MFN2: variants seen among roughly 807,000 people sequenced by gnomAD.
MFN2 encodes the protein mitofusin-2.
A neutral mutation model predicts 87.5 loss-of-function variants in MFN2; 43 were observed. That is an observed-to-expected ratio of 0.49 (90% confidence interval 0.38 to 0.63). MFN2 has a LOEUF of 0.63. MFN2 is among the 30% of genes least tolerant of loss of function. The pLI is 0.00. For synonymous variants in MFN2, 337 were observed against 359.9 expected, an observed-to-expected ratio of 0.94 and a Z score of 0.72; for missense variants, 743 against 972.8, an observed-to-expected ratio of 0.76 and a Z score of 3.14.
chr1:12,006,267 A>G lies in MFN2; in HGVS notation c.1717-271A>G, dbSNP rs11579994. Among the ~76,000 whole-genome samples the G allele has an allele frequency of 0.047, 7,087 of 152,202 alleles. 235 individuals carry two copies. The highest frequency in any genetic ancestry group is 0.12 in the East Asian group (611 of 5,106). On this transcript the variant is annotated intron_variant, in intron 15 of 18. Transcript: ENST00000235329. The stretch of plus-strand genomic sequence containing the variant: ...AAAACATTCATCTCTAAACCACTTG[A>G]GTTGTCACATGTACTGCCCTCTGTA...
rs1225507454 is a variant in MFN2, at chr1:12,012,311, G to T, written c.*746G>T. On this transcript the variant is annotated 3_prime_UTR_variant, in exon 19 of 19. Transcript: ENST00000235329. The stretch of plus-strand genomic sequence containing the variant: ...GACTTGCCTCTCTTCTCATTATTGT[G>T]TCCTTTGCTTTAGTGTCAGTCCTGG... 6.5e-5 allele frequency: 10 copies of T among 154,032 alleles called. No homozygotes were observed. The highest frequency in any genetic ancestry group is 1.4e-5 in the Non-Finnish European group (1 of 69,262). 9.5% of individuals were successfully genotyped at this position (154,032 alleles called of 1,614,324 possible).
intron 15 of MFN2, among the ~76,000 whole-genome samples, chr1:12,006,290 G>A: frequency 6.6e-6 from 1 of 152,172 alleles, no homozygotes; most frequent in East Asian, 1.9e-4. Flanking sequence ...ACTGCCCTCT[G>A]TACACATCCC....
intron 17 of MFN2, among the ~76,000 whole-genome samples, chr1:12,008,081 C>G (rs368446289): frequency 0.011 from 1,630 of 152,296 alleles, 25 homozygotes; most frequent in African/African-American, 0.038. Context: ...GGTCATAGAT[C>G]AACAGCATCC....
In MFN2 at chr1:11,998,547, C is replaced by CCAAAAA. The variant is rs542448091; in HGVS notation, c.600-217_600-212dup. 5.3e-4 allele frequency among the ~76,000 whole-genome samples: 51 copies of CCAAAAA among 96,006 alleles called. 1 individual carries two copies. Among genetic ancestry groups the CCAAAAA allele is most frequent in the African/African-American group, 1.9e-3 (50 of 26,064 alleles). 63.0% of individuals were successfully genotyped at this position (96,006 alleles called of 152,430 possible). A position where few individuals can be genotyped will look rare whatever the true frequency, so the allele number is the denominator to read the frequency against. The stretch of plus-strand genomic sequence containing the variant: ...CGGGCGACAGAGCAAGACTCTATAT[C>CCAAAAA]CAAAAACAAAACAAAACAAAACAAA... On this transcript the variant is annotated intron_variant, in intron 6 of 18. Transcript: ENST00000235329.
In MFN2 at chr1:12,006,605, C is replaced by T; in HGVS notation, c.1784C>T (p.Thr595Ile). 6.2e-7 allele frequency: 1 copy of T among 1,614,224 alleles called. No homozygotes were observed. Among genetic ancestry groups the T allele is most frequent in the Non-Finnish European group, 8.5e-7 (1 of 1,180,038 alleles). The part of the protein sequence containing the change: ...SMPPLPQGSL[T>I]QEEFMVSMVT... Reference sequence around the variant, plus strand: ...CCCCCACTGCCACAGGGCTCGCTCACCCAGGAGGAGTTCATGGTTTCCATG... The same window carrying T: ...CCCCCACTGCCACAGGGCTCGCTCATCCAGGAGGAGTTCATGGTTTCCATG... Residue 595 changes from threonine to isoleucine, a missense_variant, in exon 16 of 19, where the codon ACC (threonine) becomes ATC (isoleucine). By Grantham distance (89) the Thr-to-Ile change is moderately conservative. Transcript: ENST00000235329.
In MFN2 at chr1:12,011,479, G is replaced by GA. The variant is rs1249294259; in HGVS notation, c.2205-15dup. 1 of 1,613,928 alleles carries GA rather than the reference G, an allele frequency of 6.2e-7. No individual in the cohort carries two copies. The highest frequency in any genetic ancestry group is 1.3e-5 in the African/African-American group (1 of 74,908). On this transcript the variant is annotated splice_polypyrimidine_tract_variant and intron_variant, in intron 18 of 18. Transcript: ENST00000235329. ...ATCATCAGCTATCATGGTTACAAAA[G>GA]AACCATTTCTTTGCAGGAATAAAGC... is the stretch of plus-strand genomic sequence containing the variant.
chr1:12,011,827 T>G lies in MFN2; in HGVS notation c.*262T>G. ...GACAGCATGGTACCAAGGAGTTAAGTTGAGGCTTTTTCCAGCTTTCTCTGG... is the reference window on the plus strand; with the variant it reads ...GACAGCATGGTACCAAGGAGTTAAGGTGAGGCTTTTTCCAGCTTTCTCTGG... On this transcript the variant is annotated 3_prime_UTR_variant, in exon 19 of 19. Transcript: ENST00000235329. 1.8e-6 allele frequency: 1 copy of G among 557,496 alleles called. No individual in the cohort carries two copies. 34.5% of individuals were successfully genotyped at this position (557,496 alleles called of 1,614,324 possible).
At chr1:11,990,085 C>G (rs1267234726) in intron 3 of MFN2, among the ~76,000 whole-genome samples, 2 of 152,182 alleles carry the variant, frequency 1.3e-5, no homozygotes, top group Non-Finnish European at 2.9e-5. Context: ...ACAGTGGTTT[C>G]AGATTCTAGT....
At chr1:11,998,029 GCC>G (rs1337108331) in intron 6 of MFN2, among the ~76,000 whole-genome samples, 2 of 151,048 alleles carry the variant, frequency 1.3e-5, no homozygotes, top group East Asian at 2.0e-4. Flanking sequence ...GATTACAGGT[GCC>G]CGCCACCATG....
chr1:12,013,163 A>C lies in MFN2; in HGVS notation c.*1598A>C. On this transcript the variant is annotated 3_prime_UTR_variant, in exon 19 of 19. Transcript: ENST00000235329. ...CAGCATGTCAGGGAAAATCACTGTCACACAATTCCAATGGATTTTGTGCTC... is the reference window on the plus strand; with the variant it reads ...CAGCATGTCAGGGAAAATCACTGTCCCACAATTCCAATGGATTTTGTGCTC... 2.9e-6 allele frequency: 1 copy of C among 349,998 alleles called. No homozygotes were observed. The highest frequency in any genetic ancestry group is 2.2e-5 in the South Asian group (1 of 45,858). 21.7% of individuals were successfully genotyped at this position (349,998 alleles called of 1,614,324 possible).
intron 2 of MFN2, among the ~76,000 whole-genome samples, chr1:11,984,459 G>A (rs1274237876): frequency 6.6e-6 from 1 of 152,222 alleles, no homozygotes; most frequent in Non-Finnish European, 1.5e-5. Flanking sequence ...GAAGCATGTT[G>A]CTTGCGTCAT....
At chr1:11,999,258 C>G (rs993852099) in intron 8 of MFN2, among the ~76,000 whole-genome samples, 163 bp downstream of exon 8, 1 of 152,144 alleles carries the variant, frequency 6.6e-6, no homozygotes, top group African/African-American at 2.4e-5. Context: ...GGTGGTCTTT[C>G]CCCTCTCCCA....
At chr1:12,006,407 C>G in intron 15 of MFN2, 131 bp from the exon 16 acceptor site, 1 of 1,200,328 alleles carries the variant, frequency 8.3e-7, no homozygotes, top group Non-Finnish European at 1.2e-6. Flanking sequence ...AGCTAGTTGT[C>G]CCCTTTTTGC....
chr1:11,984,570 T>C (rs896766981), intron 2 of MFN2, among the ~76,000 whole-genome samples: 4 of 152,218 alleles, frequency 2.6e-5, no homozygotes, highest in South Asian at 2.1e-4. Context: ...GCCCTTGTTA[T>C]GGTTTTTTGA....
At chr1:11,990,762 C>T (rs903644965) in intron 3 of MFN2, among the ~76,000 whole-genome samples, 2 of 151,898 alleles carry the variant, frequency 1.3e-5, no homozygotes, top group African/African-American at 4.8e-5. Context: ...AGTGTAGTCA[C>T]ATGCTTGAGA....
At chr1:12,009,822 CAA>C (rs1639612727) in intron 18 of MFN2, 96 bp downstream of exon 18, 3 of 1,571,116 alleles carry the variant, frequency 1.9e-6, no homozygotes, top group African/African-American at 1.3e-5. Context: ...GGTGTGGACA[CAA>C]ATTTTTCTGG....
At position 12,013,389 on chromosome 1, in the gene MFN2, G is replaced by A. The variant is rs749407404; in HGVS notation, c.*1824G>A. On this transcript the variant is annotated 3_prime_UTR_variant, in exon 19 of 19. Coordinates refer to ENST00000235329, the MANE Select transcript of MFN2 (RefSeq NM_014874.4). ...TGTTTTTATGTTCATTTGCTGGAGC[G>A]CAAGACGTGCTGACACAGTGAGTTT... The A allele has an allele frequency of 6.4e-6, 3 of 471,212 alleles. No individual in the cohort carries two copies. Among genetic ancestry groups the A allele is most frequent in the East Asian group, 6.9e-5 (1 of 14,404 alleles). The allele number at this position is 471,212 out of a possible 1,614,324, so 29.2% of individuals were successfully genotyped here.
chr1:11,986,222 C>CT (rs999399982), intron 2 of MFN2, among the ~76,000 whole-genome samples: 10 of 152,176 alleles, frequency 6.6e-5, no homozygotes, highest in Non-Finnish European at 1.2e-4. Flanking sequence ...TCCGGGTGTT[C>CT]TTTCTGCTTT....
chr1:11,985,137 A>G (rs1344780473), intron 2 of MFN2, among the ~76,000 whole-genome samples: 1 of 152,106 alleles, frequency 6.6e-6, no homozygotes, highest in Non-Finnish European at 1.5e-5. Context: ...GGTAGACAGC[A>G]TGGGAACTGA....
Sources: allele counts gnomAD v4.1 joint callset (sites outside exome capture counted in the v4.1 genomes callset), GRCh38; gene constraint gnomAD v4.1.1; transcripts MANE v1.5; gene names NCBI Gene and HGNC (gene_info 2026-07-23, HGNC 2026-07-21).